AUTS2: variants seen among roughly 807,000 people sequenced by gnomAD.
AUTS2 encodes the protein activator of transcription and developmental regulator AUTS2.
AUTS2 carries 17 observed loss-of-function variants against 112.4 expected under a neutral mutation model. The ratio of observed to expected loss-of-function variants is 0.15; its 90% confidence interval spans 0.10 to 0.23. The LOEUF is 0.23. Ranked by LOEUF, AUTS2 falls within the 10% of genes least tolerant of loss-of-function variation. AUTS2 has a pLI of 1.00. For missense variants in AUTS2, 1,510 were observed against 1,701.6 expected (o/e 0.89, Z 1.98); for synonymous variants, 751 against 702.7 (o/e 1.07, Z -1.09).
intron 1 of AUTS2, among the ~76,000 whole-genome samples, chr7:69,793,229 GGTGCTCTCT>G (rs1415110986): frequency 2.0e-5 from 3 of 152,066 alleles, no homozygotes; most frequent in Admixed American, 2.0e-4. Context: ...TAAGACCTAT[GGTGCTCTCT>G]GTTTCCACTG....
At chr7:69,875,503 T>C (rs1051862412) in intron 1 of AUTS2, among the ~76,000 whole-genome samples, 1 of 152,206 alleles carries the variant, frequency 6.6e-6, no homozygotes, top group Non-Finnish European at 1.5e-5. Flanking sequence ...ATTACCAACA[T>C]GAGGCTCATG....
intron 2 of AUTS2, among the ~76,000 whole-genome samples, chr7:69,966,484 C>T (rs1023370381): frequency 1.7e-4 from 26 of 152,334 alleles, no homozygotes; most frequent in Admixed American, 3.3e-4. Flanking sequence ...CATCCAAATT[C>T]CTCTGCATTG....
intron 2 of AUTS2, among the ~76,000 whole-genome samples, chr7:70,052,846 C>T (rs1168846160): frequency 6.6e-6 from 1 of 152,164 alleles, no homozygotes; most frequent in Non-Finnish European, 1.5e-5. Context: ...TACAGACATT[C>T]TTAGAGTCAC....
At chr7:70,251,121 C>G (rs1786573401) in intron 4 of AUTS2, among the ~76,000 whole-genome samples, 1 of 151,880 alleles carries the variant, frequency 6.6e-6, no homozygotes, top group Non-Finnish European at 1.5e-5. Flanking sequence ...CTGGAGTGCA[C>G]TGGCACAATC....
intron 6 of AUTS2, among the ~76,000 whole-genome samples, chr7:70,744,327 G>T (rs1228090632): frequency 1.3e-5 from 2 of 152,156 alleles, no homozygotes; most frequent in African/African-American, 4.8e-5. Flanking sequence ...CCTCTTTTCA[G>T]TGGCCCCCTG....
intron 4 of AUTS2, among the ~76,000 whole-genome samples, chr7:70,234,917 A>C (rs1584913327): frequency 1.3e-5 from 2 of 152,186 alleles, no homozygotes; most frequent in Non-Finnish European, 1.5e-5. Context: ...CCTTAATGAG[A>C]TGGGCTTATT....
chr7:70,568,396 A>ATACACATAAAGC (rs755763344), intron 5 of AUTS2, among the ~76,000 whole-genome samples: 1 of 152,216 alleles, frequency 6.6e-6, no homozygotes, highest in Non-Finnish European at 1.5e-5. Flanking sequence ...TGAATGGGAT[A>ATACACATAAAGC]TACACATAAA....
At chr7:70,233,324 G>A (rs1436738075) in intron 4 of AUTS2, among the ~76,000 whole-genome samples, 1 of 151,910 alleles carries the variant, frequency 6.6e-6, no homozygotes, top group Non-Finnish European at 1.5e-5. Context: ...ACTTCACATA[G>A]TACTTGGAAA....
intron 1 of AUTS2, among the ~76,000 whole-genome samples, chr7:69,783,855 G>A (rs999018135): frequency 6.6e-6 from 1 of 152,160 alleles, no homozygotes; most frequent in African/African-American, 2.4e-5. Flanking sequence ...GAATACATGT[G>A]CAGACTGAGA....
At chr7:70,415,932 C>T (rs1208716214) in intron 4 of AUTS2, among the ~76,000 whole-genome samples, 1 of 152,200 alleles carries the variant, frequency 6.6e-6, no homozygotes, top group Non-Finnish European at 1.5e-5. Flanking sequence ...GCAGACCTCT[C>T]TGAAGCTTGA....
chr7:69,995,226 T>TATATATATATAG (rs1798894823), intron 2 of AUTS2, among the ~76,000 whole-genome samples: 1 of 152,188 alleles, frequency 6.6e-6, no homozygotes. Flanking sequence ...TTATATATCC[T>TATATATATATAG]CGTTCTTGTT....
At chr7:70,395,736 C>T (rs1188737658) in intron 4 of AUTS2, among the ~76,000 whole-genome samples, 2 of 152,156 alleles carry the variant, frequency 1.3e-5, no homozygotes, top group Non-Finnish European at 2.9e-5. Flanking sequence ...ACATGGATTA[C>T]AGGTTCAAGG....
chr7:69,670,126 T>G (rs1423771367), intron 1 of AUTS2, among the ~76,000 whole-genome samples: 2 of 152,198 alleles, frequency 1.3e-5, no homozygotes. Flanking sequence ...CCAGACTGTA[T>G]GTTCTTCTTT....
At chr7:69,872,612 G>A (rs1337304769) in intron 1 of AUTS2, among the ~76,000 whole-genome samples, 1 of 151,450 alleles carries the variant, frequency 6.6e-6, no homozygotes, top group South Asian at 2.1e-4. Context: ...TTTCTGATTT[G>A]TTGTCTCCTG....
intron 5 of AUTS2, among the ~76,000 whole-genome samples, chr7:70,472,360 T>G (rs1797421006): frequency 7.5e-6 from 1 of 134,130 alleles, no homozygotes; most frequent in African/African-American, 2.9e-5. Flanking sequence ...GCTTCTGTTT[T>G]GGGGTGGGGT....
intron 4 of AUTS2, among the ~76,000 whole-genome samples, chr7:70,156,219 A>G (rs1247859752): frequency 6.6e-6 from 1 of 152,184 alleles, no homozygotes; most frequent in Non-Finnish European, 1.5e-5. Context: ...GACATAGAAT[A>G]TGCAAAGTCC....
chr7:70,585,987 T>A (rs1047313341), intron 5 of AUTS2, among the ~76,000 whole-genome samples: 1 of 151,790 alleles, frequency 6.6e-6, no homozygotes, highest in African/African-American at 2.4e-5. Context: ...CTCAGCCCCC[T>A]AAGTAGCTGG....
At chr7:70,620,124 T>C (rs1382239813) in intron 5 of AUTS2, among the ~76,000 whole-genome samples, 3 of 152,128 alleles carry the variant, frequency 2.0e-5, no homozygotes, top group Non-Finnish European at 1.5e-5. Flanking sequence ...CAGGACCCGC[T>C]TTCTTTTCTT....
intron 4 of AUTS2, among the ~76,000 whole-genome samples, chr7:70,187,428 G>C (rs1219825936): frequency 1.3e-5 from 2 of 151,778 alleles, no homozygotes; most frequent in East Asian, 1.9e-4. Flanking sequence ...CTGGCCTCTG[G>C]GTATTTACAT....
Sources: gnomAD v4.1 joint callset for allele counts (sites outside exome capture counted in the v4.1 genomes callset) on GRCh38, gnomAD v4.1.1 for gene constraint, MANE v1.5 for transcripts, NCBI Gene and HGNC (gene_info 2026-07-23, HGNC 2026-07-21) for gene names.